C2orf72: variants seen among roughly 807,000 people sequenced by gnomAD.
C2orf72 encodes uncharacterized protein C2orf72.
Under a neutral mutation model 14.4 loss-of-function variants are expected in C2orf72, and 16 were observed. The ratio of observed to expected loss-of-function variants is 1.11; its 90% CI spans 0.75 to 1.69. The LOEUF (loss-of-function observed/expected upper bound fraction) is 1.69. Ranked by LOEUF, C2orf72 falls within the 40% of genes most tolerant of loss-of-function variation. The pLI, the probability that C2orf72 is intolerant of heterozygous loss-of-function variation, is 0.00. For synonymous variants in C2orf72, 168 were observed against 176.8 expected, an observed-to-expected ratio of 0.95 and a Z score of 0.40; for missense variants, 371 against 358.3, an observed-to-expected ratio of 1.04 and a Z score of -0.29.
chr2:231,047,117 C>T lies in C2orf72; in HGVS notation c.*96C>T, dbSNP rs2125139479. 1 of 1,462,666 alleles carries T rather than the reference C, an allele frequency of 6.8e-7. No homozygotes were observed. The highest frequency in any genetic ancestry group is 2.5e-5 in the East Asian group (1 of 40,514). The allele number at this position is 1,462,666 out of a possible 1,614,324, so 90.6% of individuals were successfully genotyped here. On this transcript the variant is annotated 3_prime_UTR_variant, in exon 3 of 3. Coordinates refer to ENST00000373640, the MANE Select transcript of C2orf72 (RefSeq NM_001144994.2). ...AGGTCTCCATGGAGACTGCAGAAAC[C>T]CCCGCCTGCTGGAGGCCTGCCACAC... is the stretch of plus-strand genomic sequence containing the variant.
chr2:231,039,264 G>A (rs1355714807), intron 1 of C2orf72, among the ~76,000 whole-genome samples: 1 of 147,816 alleles, frequency 6.8e-6, no homozygotes, highest in African/African-American at 2.5e-5. Flanking sequence ...CATGGCATAT[G>A]TATACATATG....
intron 1 of C2orf72, among the ~76,000 whole-genome samples, chr2:231,038,995 A>G (rs1693302337): frequency 6.6e-6 from 1 of 152,146 alleles, no homozygotes; most frequent in Non-Finnish European, 1.5e-5. Context: ...CCTGGAACAC[A>G]AGGCTTTACA....
At position 231,038,131 on chromosome 2, in the gene C2orf72, C is replaced by G. The variant is rs1693285787; in HGVS notation, c.566C>G (p.Pro189Arg). The G allele has an allele frequency of 4.2e-6, 5 of 1,181,772 alleles. No homozygotes were observed. In the East Asian group the frequency reaches 1.1e-4, roughly 26 times the overall value. The allele number at this position is 1,181,772 out of a possible 1,614,324, so 73.2% of individuals were successfully genotyped here. A position where few individuals can be genotyped will look rare whatever the true frequency, so the allele number is the denominator to read the frequency against. Reference protein sequence around the residue: ...VQAAAYCPGLPASCLAVQAAA... With the variant: ...VQAAAYCPGLRASCLAVQAAA... Reference sequence around the variant, plus strand: ...GCGGCCGCCTACTGCCCCGGCCTCCCGGCCTCCTGCCTGGCCGTCCAGGCG... The same window carrying G: ...GCGGCCGCCTACTGCCCCGGCCTCCGGGCCTCCTGCCTGGCCGTCCAGGCG... The change falls in exon 1 of 3, where the codon CCG becomes CGG. Residue 189 changes from proline to arginine, a missense_variant. This residue lies in a region of C2orf72 where 145 missense variants were observed against 149.4 expected (regional missense o/e 0.97). Coordinates refer to ENST00000373640, the MANE Select transcript of C2orf72 (RefSeq NM_001144994.2).
chr2:231,045,739 C>T (rs1024096611), intron 2 of C2orf72, among the ~76,000 whole-genome samples: 3 of 152,020 alleles, frequency 2.0e-5, no homozygotes, highest in Admixed American at 6.6e-5. Flanking sequence ...AGGATGGTCT[C>T]GATCTCCTGA....
Position 231,046,887 on chromosome 2 carries a change from T to C in C2orf72, c.754T>C (p.Phe252Leu). The change falls in exon 3 of 3, where the codon TTC becomes CTC. Residue 252 changes from phenylalanine to leucine, a missense_variant. By Grantham distance (22) the Phe-to-Leu change is conservative (BLOSUM62 0). Transcript: ENST00000373640. ...AACRSSAQEDFQEPEEELPLT... is the reference protein window; with the variant it reads ...AACRSSAQEDLQEPEEELPLT... ...TTTCTTCTCCTGTGTTCCAGAAGAC[T>C]TCCAGGAACCTGAGGAGGAGCTGCC... The C allele has an allele frequency of 1.9e-6, 3 of 1,550,282 alleles. No individual in the cohort carries two copies. The highest frequency in any genetic ancestry group is 2.6e-6 in the Non-Finnish European group (3 of 1,146,006).
At position 231,038,122 on chromosome 2, in the gene C2orf72, C is replaced by A; in HGVS notation, c.557C>A (p.Pro186His). ...CCCGTGCAGGCGGCCGCCTACTGCC[C>A]CGGCCTCCCGGCCTCCTGCCTGGCC... is the stretch of plus-strand genomic sequence containing the variant. The part of the protein sequence containing the change: ...GGPVQAAAYC[P>H]GLPASCLAVQ... The change falls in exon 1 of 3, where the codon CCC (proline) becomes CAC (histidine). Residue 186 changes from proline to histidine, a missense_variant. Around this residue, in one of 3 missense-constraint regions of C2orf72, gnomAD observed 145 missense variants for 149.4 expected, o/e 0.97. Coordinates refer to ENST00000373640, the MANE Select transcript of C2orf72 (RefSeq NM_001144994.2). 8.5e-7 allele frequency: 1 copy of A among 1,175,430 alleles called. No individual in the cohort carries two copies. Among genetic ancestry groups the A allele is most frequent in the South Asian group, 4.2e-5 (1 of 23,856 alleles). 72.8% of individuals were successfully genotyped at this position (1,175,430 alleles called of 1,614,324 possible). A position where few individuals can be genotyped will look rare whatever the true frequency, so the allele number is the denominator to read the frequency against.
intron 2 of C2orf72, among the ~76,000 whole-genome samples, chr2:231,043,825 T>C (rs1358096436): frequency 6.6e-6 from 1 of 152,242 alleles, no homozygotes; most frequent in Non-Finnish European, 1.5e-5. Context: ...TACATGCATT[T>C]ATACAATCAT....
intron 2 of C2orf72, 128 bp downstream of exon 2, chr2:231,041,537 T>C: frequency 1.5e-6 from 1 of 665,148 alleles, no homozygotes; most frequent in Non-Finnish European, 2.5e-6. Flanking sequence ...ATGTGCCAGG[T>C]GTGGGGATGA....
At chr2:231,039,201 A>G (rs1484637352) in intron 1 of C2orf72, among the ~76,000 whole-genome samples, 1 of 152,020 alleles carries the variant, frequency 6.6e-6, no homozygotes, top group Admixed American at 6.6e-5. Context: ...GAGGGATAGC[A>G]TTAGGAGATA....
chr2:231,037,671 G>A lies in C2orf72; in HGVS notation c.106G>A (p.Val36Met). Residue 36 changes from valine (V) to methionine (M), a missense_variant, in exon 1 of 3, where the codon GTG becomes ATG. Physicochemically the swap from Val to Met is conservative, Grantham distance 21. This residue lies in a region of C2orf72 where 214 missense variants were observed against 178.7 expected (regional missense o/e 1.20). Transcript: ENST00000373640. The part of the protein sequence containing the change: ...AAGGRGQVLL[V>M]GELWEREQSR... ...GGGGGGCCGCGGGCAGGTGCTGCTG[G>A]TGGGCGAGCTGTGGGAGCGCGAACA... is the stretch of plus-strand genomic sequence containing the variant. 9.0e-7 allele frequency: 1 copy of A among 1,106,466 alleles called. No individual in the cohort carries two copies. The highest frequency in any genetic ancestry group is 1.1e-6 in the Non-Finnish European group (1 of 904,776). 68.5% of individuals were successfully genotyped at this position (1,106,466 alleles called of 1,614,324 possible).
At chr2:231,038,309 C>A in intron 1 of C2orf72, 110 bp downstream of exon 1, 1 of 902,558 alleles carries the variant, frequency 1.1e-6, no homozygotes, top group Non-Finnish European at 1.4e-6. Flanking sequence ...TAAACTGAGG[C>A]TCAGAGCAGG....
At chr2:231,040,438 G>A (rs557245788) in intron 1 of C2orf72, among the ~76,000 whole-genome samples, 5 of 152,296 alleles carry the variant, frequency 3.3e-5, no homozygotes, top group African/African-American at 9.6e-5. Flanking sequence ...TATGTTAAGC[G>A]CTTTCCTACT....
rs902969074 is a variant in C2orf72, at chr2:231,038,097, C to A, written c.532C>A (p.Pro178Thr). 8.7e-7 allele frequency: 1 copy of A among 1,152,206 alleles called. No homozygotes were observed. The highest frequency in any genetic ancestry group is 1.1e-6 in the Non-Finnish European group (1 of 937,220). 71.4% of individuals were successfully genotyped at this position (1,152,206 alleles called of 1,614,324 possible). Residue 178 changes from proline to threonine, a missense_variant, in exon 1 of 3, where the codon CCC (proline) becomes ACC (threonine). By Grantham distance (38) the Pro-to-Thr change is conservative (BLOSUM62 -1). Coordinates refer to ENST00000373640, the MANE Select transcript of C2orf72 (RefSeq NM_001144994.2). ...RAVFGRQAGG[P>T]VQAAAYCPGL... ...CGTGTTCGGCCGCCAGGCGGGGGGG[C>A]CCGTGCAGGCGGCCGCCTACTGCCC...
rs1001026970 is a variant in C2orf72 at position 231,047,665 on chromosome 2, G to A, written c.*644G>A. On this transcript the variant is annotated 3_prime_UTR_variant, in exon 3 of 3. Transcript: ENST00000373640. ...ACAGCAAAGAATTGGTCCATTCAAT[G>A]CCAATTGTAGTACCTTTGAGACATT... 4 of 170,586 alleles carry A rather than the reference G, an allele frequency of 2.3e-5. No individual in the cohort carries two copies. Among genetic ancestry groups the A allele is most frequent in the South Asian group, 1.5e-4 (1 of 6,756 alleles). 10.6% of individuals were successfully genotyped at this position (170,586 alleles called of 1,614,324 possible).
chr2:231,046,736 G>T lies in C2orf72; in HGVS notation c.749-146G>T, dbSNP rs1693422856. The T allele has an allele frequency of 5.3e-6, 4 of 753,764 alleles. No individual in the cohort carries two copies. In the East Asian group the frequency reaches 1.1e-4, roughly 21 times the overall value. 46.7% of individuals were successfully genotyped at this position (753,764 alleles called of 1,614,324 possible). On this transcript the variant is annotated intron_variant, in intron 2 of 2. Transcript: ENST00000373640. Reference sequence around the variant, plus strand: ...AAGTGAAATTTGTGGGTCAAAGGGTGTGTACATCGTTAAGGTTTTTGATAT... The same window carrying T: ...AAGTGAAATTTGTGGGTCAAAGGGTTTGTACATCGTTAAGGTTTTTGATAT...
chr2:231,042,740 C>T (rs1463138652), intron 2 of C2orf72, among the ~76,000 whole-genome samples: 3 of 152,268 alleles, frequency 2.0e-5, no homozygotes, highest in Non-Finnish European at 4.4e-5. Flanking sequence ...CATGGTGACT[C>T]ATGCCTGTAA....
chr2:231,044,945 T>TTATATATATATATATA (rs58611878), intron 2 of C2orf72, among the ~76,000 whole-genome samples: 7,858 of 141,046 alleles, frequency 0.056, 266 homozygotes, highest in Middle Eastern at 0.07. Context: ...ATATATATCT[T>TTATATATATATATATA]TATATATATA....
chr2:231,046,052 C>T lies in C2orf72; in HGVS notation c.749-830C>T, dbSNP rs185472599. 2.0e-3 allele frequency among the ~76,000 whole-genome samples: 302 copies of T among 152,162 alleles called. 2 individuals carry two copies. The highest frequency in any genetic ancestry group is 7.0e-3 in the African/African-American group (289 of 41,516). ...ATCATACAGAAATCCCAGCACTTTG[C>T]GAGGCCGAGGCAGGGGGATAGCTTG... On this transcript the variant is annotated intron_variant, in intron 2 of 2. Coordinates refer to ENST00000373640, the MANE Select transcript of C2orf72 (RefSeq NM_001144994.2).
At chr2:231,045,676 G>A (rs567118707) in intron 2 of C2orf72, among the ~76,000 whole-genome samples, 11 of 151,996 alleles carry the variant, frequency 7.2e-5, no homozygotes, top group Non-Finnish European at 1.5e-4. Flanking sequence ...CCGCCACCAC[G>A]CCCAGCTAAT....
Sources: allele counts gnomAD v4.1 joint callset (sites outside exome capture counted in the v4.1 genomes callset), GRCh38; gene constraint gnomAD v4.1.1; regional missense constraint gnomAD v4.1.1; transcripts MANE v1.5; gene names NCBI Gene and HGNC (gene_info 2026-07-23, HGNC 2026-07-21).